IMMP2L: variants seen among roughly 807,000 people sequenced by gnomAD.
The protein encoded by IMMP2L is inner mitochondrial membrane peptidase subunit 2, also known as mitochondrial inner membrane protease subunit 2.
A neutral mutation model predicts 19.3 loss-of-function variants in IMMP2L; 18 were observed. That is an observed-to-expected ratio of 0.93 (90% CI 0.64 to 1.38). The LOEUF is 1.38. IMMP2L is among the 40% of genes most tolerant of loss of function. The pLI is 0.00. For synonymous variants in IMMP2L, 76 were observed against 73.0 expected (o/e 1.04, Z -0.21); for missense variants, 233 against 218.2 (o/e 1.07, Z -0.43).
At chr7:111,283,498 A>G (rs1016411747) in intron 3 of IMMP2L, among the ~76,000 whole-genome samples, 3 of 152,172 alleles carry the variant, frequency 2.0e-5, no homozygotes, top group African/African-American at 4.8e-5. Flanking sequence ...AGTGAATGAT[A>G]AAATCTGAAA....
At chr7:111,087,087 T>G (rs1230760946) in intron 3 of IMMP2L, among the ~76,000 whole-genome samples, 1 of 152,076 alleles carries the variant, frequency 6.6e-6, no homozygotes, top group Admixed American at 6.5e-5. Flanking sequence ...TATTTAATAG[T>G]TTTGGGACAT....
At chr7:110,692,132 C>A (rs905040961) in intron 5 of IMMP2L, among the ~76,000 whole-genome samples, 1 of 152,112 alleles carries the variant, frequency 6.6e-6, no homozygotes, top group East Asian at 1.9e-4. Context: ...ACAACACACA[C>A]ACCATGGAAT....
chr7:110,825,892 G>A (rs1803441952), intron 5 of IMMP2L, among the ~76,000 whole-genome samples: 1 of 152,106 alleles, frequency 6.6e-6, no homozygotes, highest in African/African-American at 2.4e-5. Context: ...CCATCAGAGT[G>A]AACAGGCAAC....
intron 3 of IMMP2L, among the ~76,000 whole-genome samples, chr7:111,272,350 T>A (rs964144061): frequency 1.3e-5 from 2 of 152,158 alleles, no homozygotes; most frequent in African/African-American, 2.4e-5. Flanking sequence ...GATCTCAGCT[T>A]AAATGGCATG....
intron 3 of IMMP2L, among the ~76,000 whole-genome samples, chr7:111,111,279 C>A (rs1044008017): frequency 6.9e-6 from 1 of 144,134 alleles, no homozygotes; most frequent in African/African-American, 2.6e-5. Context: ...ATCGCCCATG[C>A]TCTTCATGGG....
At chr7:110,819,473 G>C (rs1802836967) in intron 5 of IMMP2L, among the ~76,000 whole-genome samples, 1 of 151,984 alleles carries the variant, frequency 6.6e-6, no homozygotes, top group Non-Finnish European at 1.5e-5. Flanking sequence ...AATTAAAATA[G>C]GGTATGGATA....
intron 3 of IMMP2L, among the ~76,000 whole-genome samples, chr7:111,176,275 A>C (rs553697891): frequency 2.1e-4 from 32 of 152,140 alleles, no homozygotes; most frequent in Admixed American, 3.9e-4. Flanking sequence ...GTATACACCC[A>C]AAAGAAATAA....
At chr7:111,202,767 C>T (rs2129615889) in intron 3 of IMMP2L, among the ~76,000 whole-genome samples, 1 of 152,000 alleles carries the variant, frequency 6.6e-6, no homozygotes, top group African/African-American at 2.4e-5. Flanking sequence ...ATCTAGTTGA[C>T]CCAATAATGA....
chr7:111,117,212 A>G (rs1365266165), intron 3 of IMMP2L, among the ~76,000 whole-genome samples: 2 of 152,170 alleles, frequency 1.3e-5, no homozygotes, highest in East Asian at 1.9e-4. Context: ...TTAAAATCAG[A>G]TAAGTGAGTT....
chr7:111,267,042 T>C (rs1271721106), intron 3 of IMMP2L, among the ~76,000 whole-genome samples: 2 of 152,172 alleles, frequency 1.3e-5, no homozygotes, highest in Non-Finnish European at 2.9e-5. Flanking sequence ...TTCAATACCA[T>C]GTTTTCTGGA....
intron 3 of IMMP2L, among the ~76,000 whole-genome samples, chr7:111,148,565 G>C (rs951030460): frequency 6.6e-6 from 1 of 151,970 alleles, no homozygotes. Context: ...GTAGATGACA[G>C]TTTTTACCTG....
intron 3 of IMMP2L, among the ~76,000 whole-genome samples, chr7:111,236,519 T>G (rs1313075359): frequency 6.6e-6 from 1 of 152,182 alleles, no homozygotes; most frequent in Non-Finnish European, 1.5e-5. Flanking sequence ...CTGTATAAAT[T>G]CTGAAAACTA....
intron 5 of IMMP2L, among the ~76,000 whole-genome samples, chr7:110,860,015 C>A (rs764322986): frequency 6.6e-6 from 1 of 151,902 alleles, no homozygotes; most frequent in Non-Finnish European, 1.5e-5. Context: ...ATTCATGAAC[C>A]AACCTGTCAC....
intron 3 of IMMP2L, among the ~76,000 whole-genome samples, chr7:111,190,513 G>A (rs1195196647): frequency 2.0e-5 from 3 of 152,014 alleles, no homozygotes; most frequent in Non-Finnish European, 4.4e-5. Context: ...ATTTCACTCC[G>A]TTATGCACCA....
chr7:110,999,716 G>A lies in IMMP2L; in HGVS notation c.240-36151C>T, dbSNP rs577799010. Among the ~76,000 whole-genome samples the A allele has an allele frequency of 2.6e-5, 4 of 151,920 alleles. No homozygotes were observed. The East Asian group carries it at 7.7e-4, about 29-fold the overall frequency. On this transcript the variant is annotated intron_variant, in intron 3 of 5. Transcript: ENST00000405709. Reference sequence around the variant, plus strand: ...GATCTTTTAACTTTCTTGTTACTGGGTCTCCCCATAGGCCTGGCAATCACT... The same window carrying A: ...GATCTTTTAACTTTCTTGTTACTGGATCTCCCCATAGGCCTGGCAATCACT...
At chr7:110,688,214 T>C (rs1053979153) in intron 5 of IMMP2L, among the ~76,000 whole-genome samples, 1 of 152,064 alleles carries the variant, frequency 6.6e-6, no homozygotes, top group African/African-American at 2.4e-5. Context: ...AAATTCCTGA[T>C]TTGTAAAATT....
intron 4 of IMMP2L, among the ~76,000 whole-genome samples, chr7:110,934,638 C>T (rs1815874196): frequency 6.6e-6 from 1 of 152,140 alleles, no homozygotes. Flanking sequence ...GTCTAAGTCT[C>T]CTTGTAGGTC....
intron 5 of IMMP2L, among the ~76,000 whole-genome samples, chr7:110,814,901 G>A (rs543439168): frequency 6.1e-4 from 93 of 151,774 alleles, no homozygotes; most frequent in African/African-American, 2.2e-3. Flanking sequence ...AATATGCCAG[G>A]GACCATGTAG....
In IMMP2L at chr7:110,924,122, C is replaced by A. The variant is rs1472539410; in HGVS notation, c.306-37427G>T. Among the ~76,000 whole-genome samples, 1 of 152,154 alleles carries A rather than the reference C, an allele frequency of 6.6e-6. No individual in the cohort carries two copies. The highest frequency in any genetic ancestry group is 2.4e-5 in the African/African-American group (1 of 41,438). The stretch of plus-strand genomic sequence containing the variant: ...CTTCTACCTAAAATGCTCTTTTCCT[C>A]ACTTTGTGATTTCACATAGAGCACT... On this transcript the variant is annotated intron_variant, in intron 4 of 5. Coordinates refer to ENST00000405709, the MANE Select transcript of IMMP2L (RefSeq NM_032549.4). This position sits in a 1 kb window ranked among gnomAD's most constrained non-coding sequence, Gnocchi z 4.2.
Sources: allele counts gnomAD v4.1 joint callset (sites outside exome capture counted in the v4.1 genomes callset), GRCh38; gene constraint gnomAD v4.1.1; non-coding constraint Gnocchi (gnomAD v3.1); transcripts MANE v1.5; gene names NCBI Gene and HGNC (gene_info 2026-07-23, HGNC 2026-07-21).